Variants in PRKAR2B observed in about 807,000 individuals in gnomAD.
The protein encoded by PRKAR2B is protein kinase cAMP-dependent type II regulatory subunit beta.
In PRKAR2B, 14 loss-of-function variants were observed where a neutral mutation model predicts 49.9. The ratio of observed to expected loss-of-function variants is 0.28; its 90% CI spans 0.19 to 0.44. The LOEUF is 0.44. Among genes scored for constraint, PRKAR2B ranks in the 20% least tolerant of loss-of-function variants. PRKAR2B has a pLI of 1.00. For missense variants in PRKAR2B, 393 were observed against 537.9 expected (o/e 0.73, Z 2.67); for synonymous variants, 196 against 197.7 (o/e 0.99, Z 0.07).
intron 2 of PRKAR2B, among the ~76,000 whole-genome samples, chr7:107,114,332 G>A (rs1037366998): frequency 1.4e-3 from 101 of 72,612 alleles, no homozygotes; most frequent in African/African-American, 3.4e-3. Flanking sequence ...AGCTGTGTGT[G>A]TGTGTGTGTG....
chr7:107,138,390 C>T (rs765708281), intron 4 of PRKAR2B, among the ~76,000 whole-genome samples: 2 of 152,124 alleles, frequency 1.3e-5, no homozygotes, highest in South Asian at 2.1e-4. Context: ...TTCCTATGAG[C>T]TTAAAACTGC....
intron 2 of PRKAR2B, among the ~76,000 whole-genome samples, chr7:107,121,215 A>C (rs1333279239): frequency 6.6e-6 from 1 of 151,976 alleles, no homozygotes; most frequent in South Asian, 2.1e-4. Flanking sequence ...AGCCCCTGCA[A>C]ATAACTTTGG....
At chr7:107,080,730 G>A (rs140113939) in intron 2 of PRKAR2B, among the ~76,000 whole-genome samples, 4 of 152,276 alleles carry the variant, frequency 2.6e-5, no homozygotes, top group East Asian at 1.9e-4. Context: ...CGCTGTAACC[G>A]TCTGATACTT....
At chr7:107,051,518 TATC>T in intron 1 of PRKAR2B, among the ~76,000 whole-genome samples, 1 of 152,198 alleles carries the variant, frequency 6.6e-6, no homozygotes, top group Non-Finnish European at 1.5e-5. Flanking sequence ...CTATGATGCT[TATC>T]ATTATTTTAT....
chr7:107,065,994 A>G (rs1414092446), intron 1 of PRKAR2B, among the ~76,000 whole-genome samples: 1 of 152,216 alleles, frequency 6.6e-6, no homozygotes, highest in Non-Finnish European at 1.5e-5. Flanking sequence ...TTGGGAGCGT[A>G]GGAACTAAAC....
intron 2 of PRKAR2B, among the ~76,000 whole-genome samples, chr7:107,082,622 G>T (rs545920566): frequency 1.3e-5 from 2 of 152,162 alleles, no homozygotes; most frequent in East Asian, 3.9e-4. Flanking sequence ...TTGAGATGGA[G>T]TCTCGCTCTG....
At chr7:107,085,061 G>A (rs1305654731) in intron 2 of PRKAR2B, among the ~76,000 whole-genome samples, 2 of 152,122 alleles carry the variant, frequency 1.3e-5, no homozygotes, top group Non-Finnish European at 2.9e-5. Context: ...ATATTCCTTT[G>A]TAATTATGGA....
chr7:107,075,622 A>G (rs1283543259), intron 2 of PRKAR2B, among the ~76,000 whole-genome samples: 1 of 150,662 alleles, frequency 6.6e-6, no homozygotes, highest in South Asian at 2.1e-4. Context: ...CTCATCTTGA[A>G]CTCTCGAGCT....
At chr7:107,147,080 T>C (rs35262630) in intron 6 of PRKAR2B, among the ~76,000 whole-genome samples, 53,086 of 151,814 alleles carry the variant, frequency 0.35, 11,372 homozygotes, top group South Asian at 0.57. Context: ...CTGGAGTATT[T>C]TTTTAAAATC....
chr7:107,070,498 C>T (rs1794245243), intron 2 of PRKAR2B, among the ~76,000 whole-genome samples, 182 bp downstream of exon 2: 1 of 152,052 alleles, frequency 6.6e-6, no homozygotes, highest in African/African-American at 2.4e-5. Context: ...AAATGCCCTA[C>T]CTAGGAAGCA....
At position 107,157,319 on chromosome 7, in the gene PRKAR2B, G is replaced by A; in HGVS notation, c.1118G>A (p.Cys373Tyr). 6.2e-7 allele frequency: 1 copy of A among 1,612,136 alleles called. No individual in the cohort carries two copies. The highest frequency in any genetic ancestry group is 8.5e-7 in the Non-Finnish European group (1 of 1,179,274). ...ASAHAIGTVK[C>Y]LAMDVQAFER... ...GCCCACGCCATTGGGACTGTCAAAT[G>A]TTTAGGTAGGGATTGCAACAGTGGG... Residue 373 changes from cysteine (C) to tyrosine (Y), a missense_variant, in exon 10 of 11, where the codon TGT becomes TAT. This residue lies in a region of PRKAR2B where 233 missense variants were observed against 390.4 expected (regional missense o/e 0.60). Transcript: ENST00000265717.
intron 4 of PRKAR2B, among the ~76,000 whole-genome samples, chr7:107,131,960 G>A (rs957325735): frequency 2.6e-5 from 4 of 152,160 alleles, no homozygotes; most frequent in Admixed American, 1.3e-4. Context: ...AGTGTTGGAG[G>A]CCACAAAGAT....
At chr7:107,081,236 AT>A (rs1794509161) in intron 2 of PRKAR2B, among the ~76,000 whole-genome samples, 1 of 152,200 alleles carries the variant, frequency 6.6e-6, no homozygotes, top group African/African-American at 2.4e-5. Context: ...GAGAGCAAAG[AT>A]TTCTCTGAAA....
intron 4 of PRKAR2B, among the ~76,000 whole-genome samples, chr7:107,132,189 G>C (rs1038864270): frequency 6.6e-6 from 1 of 152,190 alleles, no homozygotes; most frequent in Non-Finnish European, 1.5e-5. Context: ...GTGAGGAAAA[G>C]TACAGAATGT....
chr7:107,148,956 G>T (rs184874495), intron 6 of PRKAR2B, among the ~76,000 whole-genome samples: 17 of 152,344 alleles, frequency 1.1e-4, no homozygotes, highest in Middle Eastern at 3.4e-3. Context: ...CTTTCTGAGA[G>T]ATATAACTGA....
chr7:107,059,763 T>A (rs1793990520), intron 1 of PRKAR2B, among the ~76,000 whole-genome samples: 1 of 152,088 alleles, frequency 6.6e-6, no homozygotes, highest in African/African-American at 2.4e-5. Context: ...GTTTTCAGTG[T>A]GTGGTCTGGA....
At chr7:107,048,262 A>G (rs1386785641) in intron 1 of PRKAR2B, among the ~76,000 whole-genome samples, 1 of 152,144 alleles carries the variant, frequency 6.6e-6, no homozygotes, top group Non-Finnish European at 1.5e-5. Context: ...TAACTTGTCC[A>G]AGGTCACACA....
chr7:107,155,228 G>T (rs910247834), intron 8 of PRKAR2B, among the ~76,000 whole-genome samples: 12 of 151,974 alleles, frequency 7.9e-5, no homozygotes, highest in African/African-American at 2.4e-4. Context: ...CATTTTCTTG[G>T]TTTTTTAGCA....
At chr7:107,098,957 G>A (rs576466065) in intron 2 of PRKAR2B, among the ~76,000 whole-genome samples, 2 of 152,272 alleles carry the variant, frequency 1.3e-5, no homozygotes, top group South Asian at 2.1e-4. Flanking sequence ...TAGGCTACTC[G>A]GGGTTCAGGG....
Sources: allele counts gnomAD v4.1 joint callset (sites outside exome capture counted in the v4.1 genomes callset), GRCh38; gene constraint gnomAD v4.1.1; regional missense constraint gnomAD v4.1.1; transcripts MANE v1.5; gene names NCBI Gene and HGNC (gene_info 2026-07-23, HGNC 2026-07-21).